DMBT1: variants seen among roughly 807,000 people sequenced by gnomAD.
The protein encoded by DMBT1 is scavenger receptor cysteine-rich domain-containing protein DMBT1.
In DMBT1, 198 loss-of-function variants were observed where a neutral mutation model predicts 252.9. The ratio of observed to expected loss-of-function variants is 0.78; its 90% CI spans 0.70 to 0.88. The LOEUF is 0.88. DMBT1 is among the 40% of genes least tolerant of loss of function. The pLI, the probability that DMBT1 is intolerant of heterozygous loss-of-function variation, is 0.00. For synonymous variants in DMBT1, 990 were observed against 942.7 expected (o/e 1.05, Z -0.92); for missense variants, 2,432 against 2,404.7 (o/e 1.01, Z -0.24).
intron 52 of DMBT1, among the ~76,000 whole-genome samples, chr10:122,635,410 A>G (rs1387356855): frequency 6.6e-6 from 1 of 152,214 alleles, no homozygotes; most frequent in Non-Finnish European, 1.5e-5. Context: ...TTCCTGATGT[A>G]AAGGGCTGAC....
At chr10:122,587,111 T>C (rs1412148136) in intron 16 of DMBT1, among the ~76,000 whole-genome samples, 1 of 147,922 alleles carries the variant, frequency 6.8e-6, no homozygotes, top group South Asian at 2.3e-4. Context: ...CCAACATGAG[T>C]CTTAGATGGG....
Position 122,576,634 on chromosome 10 carries a change from A to C in DMBT1, c.519A>C (p.Gly173=), listed in dbSNP as rs201345022. ...PIALDDVRCS[G]HESYLWSCPH... Reference sequence around the variant, plus strand: ...CCCTGGATGATGTGCGCTGCTCAGGACACGAATCCTACCTGTGGAGCTGCC... The same window carrying C: ...CCCTGGATGATGTGCGCTGCTCAGGCCACGAATCCTACCTGTGGAGCTGCC... Residue 173 remains glycine (G), a synonymous_variant, in exon 7 of 56, where the codon GGA becomes GGC. Transcript: ENST00000338354. 6.9e-5 allele frequency: 111 copies of C among 1,613,674 alleles called. No homozygotes were observed. Among genetic ancestry groups the C allele is most frequent in the Non-Finnish European group, 8.6e-5 (101 of 1,179,754 alleles).
rs560352843 is a variant in DMBT1, at chr10:122,591,377, T to C, written c.2138-102T>C. 5.7e-5 allele frequency: 75 copies of C among 1,318,054 alleles called. 13 individuals are homozygous for C. The highest frequency in any genetic ancestry group is 6.5e-6 in the Non-Finnish European group (6 of 921,470). 81.6% of individuals were successfully genotyped at this position (1,318,054 alleles called of 1,614,324 possible). On this transcript the variant is annotated intron_variant, in intron 18 of 55. Transcript: ENST00000338354. ...GGGAGCAAGTGGCAGGAACTAGAAATGGAAGAATATTCATGATGCTTGCCT... is the reference window on the plus strand; with the variant it reads ...GGGAGCAAGTGGCAGGAACTAGAAACGGAAGAATATTCATGATGCTTGCCT...
At chr10:122,633,808 T>G (rs1242283556) in intron 52 of DMBT1, among the ~76,000 whole-genome samples, 1 of 152,184 alleles carries the variant, frequency 6.6e-6, no homozygotes, top group African/African-American at 2.4e-5. Flanking sequence ...AATGATAGAC[T>G]TAGGGGCAAT....
At chr10:122,593,345 C>T (rs1355980193) in intron 20 of DMBT1, among the ~76,000 whole-genome samples, 1 of 148,182 alleles carries the variant, frequency 6.7e-6, no homozygotes, top group Non-Finnish European at 1.5e-5. Context: ...TTACCCTGGG[C>T]AGACACAATT....
At chr10:122,618,972 G>T (rs571486928) in intron 41 of DMBT1, among the ~76,000 whole-genome samples, 1 of 152,356 alleles carries the variant, frequency 6.6e-6, no homozygotes, top group African/African-American at 2.4e-5. Context: ...GGGGCTGTAA[G>T]ATCACACAAG....
rs754431546 is a variant in DMBT1, at chr10:122,632,903, C to A, written c.6397+13C>A. ...ACCCGTCCAAACAGTAAGTTCTGAGCTCCCTGACAAGTCTGTGGCAGAGTG... is the reference window on the plus strand; with the variant it reads ...ACCCGTCCAAACAGTAAGTTCTGAGATCCCTGACAAGTCTGTGGCAGAGTG... On this transcript the variant is annotated intron_variant, in intron 51 of 55. Coordinates refer to ENST00000338354, the MANE Select transcript of DMBT1 (RefSeq NM_001377530.1). 33 of 1,613,724 alleles carry A rather than the reference C, an allele frequency of 2.0e-5. No homozygotes were observed. Among genetic ancestry groups the A allele is most frequent in the Middle Eastern group, 1.6e-4 (1 of 6,084 alleles).
At chr10:122,590,831 C>T (rs2097844041) in intron 18 of DMBT1, 137 bp downstream of exon 18, 1 of 1,121,048 alleles carries the variant, frequency 8.9e-7, no homozygotes, top group African/African-American at 1.5e-5. Context: ...GTAACTGAGA[C>T]CCTAGCATGG....
rs770695946 is a variant in DMBT1 at position 122,631,834 on chromosome 10, TTTTTTCTATTCC to T, written c.6347-14_6347-3del. 12 of 1,613,860 alleles carry T rather than the reference TTTTTTCTATTCC, an allele frequency of 7.4e-6. No individual in the cohort carries two copies. In the East Asian group the frequency reaches 2.5e-4, roughly 33 times the overall value. On this transcript the variant is annotated splice_polypyrimidine_tract_variant and intron_variant, in intron 49 of 55. Coordinates refer to ENST00000338354, the MANE Select transcript of DMBT1 (RefSeq NM_001377530.1). ...AAGCCACATGTCTGTGACCTATGCT[TTTTTTCTATTCC>T]TTTTTCAGGAAACCATCTATCGACA...
intron 5 of DMBT1, among the ~76,000 whole-genome samples, chr10:122,573,380 T>C (rs1457974923): frequency 1.3e-5 from 2 of 152,204 alleles, no homozygotes; most frequent in Non-Finnish European, 2.9e-5. Context: ...TTTAAGGGTG[T>C]GTTTGAGCCA....
At chr10:122,593,367 G>T (rs1161618277) in intron 20 of DMBT1, among the ~76,000 whole-genome samples, 3 of 148,280 alleles carry the variant, frequency 2.0e-5, no homozygotes, top group Admixed American at 6.7e-5. Context: ...GATCACCTCA[G>T]AGCTGGCAAT....
chr10:122,619,389 A>G (rs1022516462), intron 42 of DMBT1, 52 bp downstream of exon 42: 3 of 1,610,620 alleles, frequency 1.9e-6, no homozygotes, highest in South Asian at 2.2e-5. Flanking sequence ...CTGCCCAGTT[A>G]CCTCTTCCCC....
In DMBT1 at chr10:122,621,069, G is replaced by A; in HGVS notation, c.5297G>A (p.Ser1766Asn). The A allele has an allele frequency of 1.2e-6, 2 of 1,613,286 alleles. No homozygotes were observed. The highest frequency in any genetic ancestry group is 8.5e-7 in the Non-Finnish European group (1 of 1,179,740). Reference sequence around the variant, plus strand: ...TGTTCCCCTGTAGGATCTGAATCCAGTTTGGCTCTGAGGCTGGTGAATGGA... The same window carrying A: ...TGTTCCCCTGTAGGATCTGAATCCAATTTGGCTCTGAGGCTGGTGAATGGA... Reference protein sequence around the residue: ...LPALTVGSESSLALRLVNGGD... With the variant: ...LPALTVGSESNLALRLVNGGD... The change falls in exon 44 of 56, where the codon AGT (serine) becomes AAT (asparagine). Residue 1766 changes from serine (S) to asparagine (N), a missense_variant. Ser to Asn is a conservative substitution (Grantham distance 46). Around this residue, in one of 3 missense-constraint regions of DMBT1, gnomAD observed 1,162 missense variants for 1,169.0 expected, o/e 0.99. Coordinates refer to ENST00000338354, the MANE Select transcript of DMBT1 (RefSeq NM_001377530.1).
chr10:122,617,385 G>A, intron 40 of DMBT1, 125 bp downstream of exon 40: 1 of 1,230,426 alleles, frequency 8.1e-7, no homozygotes. Flanking sequence ...TGGGTGGGAG[G>A]AAGGTGGAGT....
Position 122,586,183 on chromosome 10 carries a change from C to A in DMBT1, c.1583C>A (p.Ala528Asp). 2.5e-6 allele frequency: 4 copies of A among 1,589,336 alleles called. 1 individual carries two copies. Among genetic ancestry groups the A allele is most frequent in the Non-Finnish European group, 3.4e-6 (4 of 1,166,166 alleles). ...GATGACAGCTGGGACACCAATGATG[C>A]CAATGTGGTCTGCAGGCAGCTGGGC... is the stretch of plus-strand genomic sequence containing the variant. ...VCDDSWDTND[A>D]NVVCRQLGCG... is the part of the protein sequence containing the mutation. The change falls in exon 16 of 56, where the codon GCC (alanine) becomes GAC (aspartate). Residue 528 changes from alanine to aspartate, a missense_variant. Around this residue, in one of 3 missense-constraint regions of DMBT1, gnomAD observed 1,264 missense variants for 1,082.2 expected, o/e 1.17. Transcript: ENST00000338354.
chr10:122,580,973 C>G (rs924926109), intron 11 of DMBT1, 78 bp downstream of exon 11: 1 of 1,551,390 alleles, frequency 6.4e-7, no homozygotes, highest in African/African-American at 1.4e-5. Context: ...ACAGAGCTCT[C>G]CTGTTTCTCT....
intron 44 of DMBT1, among the ~76,000 whole-genome samples, chr10:122,624,675 G>A (rs981337886): frequency 3.4e-5 from 5 of 148,148 alleles, no homozygotes; most frequent in Non-Finnish European, 7.4e-5. Context: ...CAGCTGGGCC[G>A]TGGCTGGGCC....
At chr10:122,630,130 T>C in intron 47 of DMBT1, 137 bp downstream of exon 47, 1 of 1,397,916 alleles carries the variant, frequency 7.2e-7, no homozygotes. Flanking sequence ...ATTCCTACCA[T>C]AAAGCATCAG....
intron 1 of DMBT1, among the ~76,000 whole-genome samples, chr10:122,562,375 CCA>C (rs373273818): frequency 6.6e-6 from 1 of 152,262 alleles, no homozygotes; most frequent in South Asian, 2.1e-4. Context: ...AGCAGCACCC[CCA>C]AACCCAGCCC....
Sources: allele counts gnomAD v4.1 joint callset (sites outside exome capture counted in the v4.1 genomes callset), GRCh38; gene constraint gnomAD v4.1.1; regional missense constraint gnomAD v4.1.1; transcripts MANE v1.5; gene names NCBI Gene and HGNC (gene_info 2026-07-23, HGNC 2026-07-21).